The following BZW2 variants were observed in gnomAD, a reference collection of about 807,000 sequenced individuals.
BZW2 encodes the protein basic leucine zipper and W2 domains 2, also known as eIF5-mimic protein 1.
A neutral mutation model predicts 53.2 loss-of-function variants in BZW2; 23 were observed. That is an observed-to-expected ratio of 0.43 (90% confidence interval 0.31 to 0.61). The LOEUF is 0.61. Among genes scored for constraint, BZW2 ranks in the 20% least tolerant of loss-of-function variants. The pLI, the probability that BZW2 is intolerant of heterozygous loss-of-function variation, is 0.09. For missense variants in BZW2, 409 were observed against 503.1 expected, an observed-to-expected ratio of 0.81 and a Z score of 1.79; for synonymous variants, 227 against 186.4, an observed-to-expected ratio of 1.22 and a Z score of -1.77.
At chr7:16,703,521 A>T (rs1783738723) in intron 10 of BZW2, among the ~76,000 whole-genome samples, 1 of 152,198 alleles carries the variant, frequency 6.6e-6, no homozygotes, top group African/African-American at 2.4e-5. Context: ...TTAACTGAAA[A>T]GATATCATTA....
At chr7:16,646,912 AGTTCTCG>A (rs1562471598) in intron 1 of BZW2, among the ~76,000 whole-genome samples, 1 of 152,156 alleles carries the variant, frequency 6.6e-6, no homozygotes, top group Non-Finnish European at 1.5e-5. Context: ...GCTCTGCTAG[AGTTCTCG>A]GTTCTCTTTG....
At chr7:16,652,283 G>T (rs1040112856) in intron 1 of BZW2, among the ~76,000 whole-genome samples, 2 of 152,024 alleles carry the variant, frequency 1.3e-5, no homozygotes, top group Non-Finnish European at 2.9e-5. Flanking sequence ...TTATTAAAAC[G>T]TTAATAAACA....
chr7:16,699,020 A>C (rs1330531767), intron 10 of BZW2, among the ~76,000 whole-genome samples: 1 of 152,210 alleles, frequency 6.6e-6, no homozygotes, highest in Admixed American at 6.5e-5. Flanking sequence ...GAATTTGGAA[A>C]ATAAAGGTTT....
intron 1 of BZW2, 109 bp from the exon 2 acceptor site, chr7:16,665,328 T>C: frequency 1.5e-6 from 2 of 1,295,834 alleles, no homozygotes; most frequent in Non-Finnish European, 2.2e-6. Context: ...AAGAGGCATA[T>C]TCAGTAATGA....
intron 10 of BZW2, among the ~76,000 whole-genome samples, chr7:16,699,730 T>G (rs889892665): frequency 1.3e-5 from 2 of 152,140 alleles, no homozygotes; most frequent in African/African-American, 4.8e-5. Context: ...AAATGACATC[T>G]AGGTGGCACA....
intron 1 of BZW2, among the ~76,000 whole-genome samples, chr7:16,660,911 C>T (rs1033999976): frequency 6.6e-6 from 1 of 152,250 alleles, no homozygotes; most frequent in South Asian, 2.1e-4. Flanking sequence ...TACTGGAATA[C>T]AGCCATGACC....
chr7:16,670,604 G>C (rs568487452), intron 2 of BZW2, among the ~76,000 whole-genome samples: 1 of 152,182 alleles, frequency 6.6e-6, no homozygotes, highest in Non-Finnish European at 1.5e-5. Flanking sequence ...CAACAAGGAA[G>C]GAGAATTGCC....
At chr7:16,673,076 G>A (rs112811419) in intron 2 of BZW2, among the ~76,000 whole-genome samples, 5,549 of 152,112 alleles carry the variant, frequency 0.036, 131 homozygotes, top group South Asian at 0.055. Flanking sequence ...CTCCCGAGTA[G>A]CTGGGACTAA....
intron 2 of BZW2, among the ~76,000 whole-genome samples, chr7:16,669,863 A>G (rs759491935): frequency 6.6e-6 from 1 of 152,238 alleles, no homozygotes; most frequent in Non-Finnish European, 1.5e-5. Context: ...ACTTCAAGGC[A>G]GACTTGAACT....
In BZW2 at chr7:16,646,189, A is replaced by C. The variant is rs1583691883; in HGVS notation, c.-107A>C. 3.0e-6 allele frequency: 1 copy of C among 331,618 alleles called. No homozygotes were observed. The highest frequency in any genetic ancestry group is 6.1e-6 in the Non-Finnish European group (1 of 163,862). 20.5% of individuals were successfully genotyped at this position (331,618 alleles called of 1,614,324 possible). On this transcript the variant is annotated 5_prime_UTR_variant, in exon 1 of 12. Transcript: ENST00000258761. ...CAATGTGTCTGTCCTTCACTCCTCC[A>C]TTGTCTGCCGCCACTGCTGCTGCTG... is the stretch of plus-strand genomic sequence containing the variant.
chr7:16,667,660 C>G (rs1307610416), intron 2 of BZW2, among the ~76,000 whole-genome samples: 3 of 152,182 alleles, frequency 2.0e-5, no homozygotes, highest in African/African-American at 7.2e-5. Context: ...CTGAATTTAA[C>G]TGTGTGCTAT....
At chr7:16,669,865 A>T (rs2128356405) in intron 2 of BZW2, among the ~76,000 whole-genome samples, 1 of 152,318 alleles carries the variant, frequency 6.6e-6, no homozygotes, top group Non-Finnish European at 1.5e-5. Flanking sequence ...TTCAAGGCAG[A>T]CTTGAACTGC....
chr7:16,698,557 T>C (rs1783574976), intron 10 of BZW2, among the ~76,000 whole-genome samples: 1 of 152,244 alleles, frequency 6.6e-6, no homozygotes, highest in East Asian at 1.9e-4. Context: ...TTCAGACTCT[T>C]TTAGGTACCA....
At chr7:16,705,998 A>G in intron 11 of BZW2, 62 bp from the exon 12 acceptor site, 1 of 1,595,862 alleles carries the variant, frequency 6.3e-7, no homozygotes, top group South Asian at 1.1e-5. Flanking sequence ...TGACTGTAGT[A>G]ACTTTTGACC....
intron 5 of BZW2, among the ~76,000 whole-genome samples, chr7:16,685,125 A>G (rs957480363): frequency 4.6e-5 from 7 of 152,224 alleles, no homozygotes; most frequent in African/African-American, 1.7e-4. Flanking sequence ...AGCAGAGGAG[A>G]GTCAGGAGAG....
rs571928357 is a variant in BZW2 at position 16,674,488 on chromosome 7, T to C, written c.135T>C (p.Leu45=). Residue 45 remains leucine (L), a synonymous_variant, in exon 3 of 12, where the codon CTT becomes CTC. Transcript: ENST00000258761. ...VQGLNEAGDD[L]EAVAKFLDST... ...GGCTTAATGAGGCTGGTGATGACCT[T>C]GAAGCTGTAGCCAAATTTCTGGACT... The C allele has an allele frequency of 5.6e-6, 9 of 1,613,762 alleles. No homozygotes were observed. The South Asian group carries it at 9.9e-5, about 18-fold the overall frequency.
In BZW2 at chr7:16,686,054, T is replaced by G; in HGVS notation, c.541+14T>G. On this transcript the variant is annotated intron_variant, in intron 6 of 11. Transcript: ENST00000258761. Reference sequence around the variant, plus strand: ...TAGTCAAAGAAGGTAACGAGGCTCCTGTTTTCTCGCCTGTCAGACAACAAA... The same window carrying G: ...TAGTCAAAGAAGGTAACGAGGCTCCGGTTTTCTCGCCTGTCAGACAACAAA... 5.6e-6 allele frequency: 9 copies of G among 1,611,714 alleles called. No individual in the cohort carries two copies. The Middle Eastern group carries it at 1.3e-3, about 236-fold the overall frequency.
chr7:16,686,257 C>A, intron 6 of BZW2: 1 of 591,858 alleles, frequency 1.7e-6, no homozygotes, highest in Non-Finnish European at 2.8e-6. Context: ...CACACCTGTA[C>A]AAAGACATAT....
intron 1 of BZW2, among the ~76,000 whole-genome samples, chr7:16,665,017 A>C (rs969457020): frequency 2.6e-5 from 4 of 152,224 alleles, no homozygotes; most frequent in African/African-American, 9.6e-5. Context: ...TCTCATTTTT[A>C]AAAGTGTATT....
Sources: gnomAD v4.1 joint callset for allele counts (sites outside exome capture counted in the v4.1 genomes callset) on GRCh38, gnomAD v4.1.1 for gene constraint, MANE v1.5 for transcripts, NCBI Gene and HGNC (gene_info 2026-07-23, HGNC 2026-07-21) for gene names.